Variants in KDM4C observed in about 807,000 individuals in gnomAD.
KDM4C encodes lysine demethylase 4C.
Under a neutral mutation model 129.3 loss-of-function variants are expected in KDM4C, and 81 were observed. The ratio of observed to expected loss-of-function variants is 0.63; its 90% CI spans 0.52 to 0.75. KDM4C has a LOEUF of 0.75. KDM4C is among the 30% of genes least tolerant of loss of function. The pLI, the probability that KDM4C is intolerant of heterozygous loss-of-function variation, is 0.00. For synonymous variants in KDM4C, 573 were observed against 456.1 expected (o/e 1.26, Z -3.26); for missense variants, 1,457 against 1,304.0 (o/e 1.12, Z -1.81).
At chr9:6,941,958 A>G (rs1041266492) in intron 8 of KDM4C, 3 of 152,198 alleles carry the variant, frequency 2.0e-5, no homozygotes, top group Non-Finnish European at 2.9e-5. Context: ...GTGTTTGAGT[A>G]TCACAAGATT....
chr9:7,080,757 T>C (rs1834433492), intron 17 of KDM4C, among the ~76,000 whole-genome samples: 1 of 152,232 alleles, frequency 6.6e-6, no homozygotes, highest in Admixed American at 6.5e-5. Context: ...AATGTCCTTT[T>C]GCATCTATTT....
At chr9:6,904,660 T>C (rs1446611761) in intron 8 of KDM4C, among the ~76,000 whole-genome samples, 1 of 152,236 alleles carries the variant, frequency 6.6e-6, no homozygotes, top group East Asian at 1.9e-4. Context: ...GGAAGAGATT[T>C]ATAATGCCTT....
chr9:6,747,264 A>G (rs1030152819), intron 1 of KDM4C, among the ~76,000 whole-genome samples: 2 of 151,258 alleles, frequency 1.3e-5, no homozygotes, highest in Admixed American at 1.3e-4. Flanking sequence ...AAGAATATAG[A>G]TGGCCGGGCA....
chr9:7,016,009 T>A, intron 15 of KDM4C, 80 bp downstream of exon 15: 1 of 990,366 alleles, frequency 1.0e-6, no homozygotes, highest in Non-Finnish European at 1.6e-6. Context: ...AGGGAAAAGA[T>A]AAGATTGCTC....
chr9:6,939,140 T>C (rs577504175), intron 8 of KDM4C, among the ~76,000 whole-genome samples: 2 of 151,614 alleles, frequency 1.3e-5, no homozygotes, highest in Non-Finnish European at 2.9e-5. Flanking sequence ...GGCTGCACCA[T>C]AGGAGGTGAG....
intron 21 of KDM4C, among the ~76,000 whole-genome samples, chr9:7,172,420 C>T (rs960564147): frequency 3.9e-5 from 6 of 152,014 alleles, no homozygotes; most frequent in Admixed American, 6.5e-5. Context: ...TTTGAGAGGC[C>T]GACTTTTGCT....
rs140234248 is a variant in KDM4C at position 6,938,373 on chromosome 9, G to C, written c.922-42552G>C. Among the ~76,000 whole-genome samples, 68 of 152,246 alleles carry C rather than the reference G, an allele frequency of 4.5e-4. 1 individual carries two copies. In the East Asian group the frequency reaches 0.011, roughly 24 times the overall value. Reference sequence around the variant, plus strand: ...GCAGCTCAGTTCTAAACTTTTTTAGGAGGATGAAAAGAAATAGTCTTTTGT... The same window carrying C: ...GCAGCTCAGTTCTAAACTTTTTTAGCAGGATGAAAAGAAATAGTCTTTTGT... On this transcript the variant is annotated intron_variant, in intron 8 of 21. Coordinates refer to ENST00000381309, the MANE Select transcript of KDM4C (RefSeq NM_015061.6).
At chr9:6,828,937 C>T (rs1329250887) in intron 4 of KDM4C, among the ~76,000 whole-genome samples, 1 of 152,216 alleles carries the variant, frequency 6.6e-6, no homozygotes, top group Non-Finnish European at 1.5e-5. Flanking sequence ...TCACTCTTCT[C>T]TTTACCTCTC....
rs1354643223 is a variant in KDM4C, at chr9:7,013,924, C to G, written c.2105C>G (p.Pro702Arg). The G allele has an allele frequency of 6.2e-7, 1 of 1,613,860 alleles. No homozygotes were observed. Among genetic ancestry groups the G allele is most frequent in the East Asian group, 2.2e-5 (1 of 44,884 alleles). ...AGTGAAGAAAATATAGAATATTCTCCACCCAATGCCTTCCTTGAAGAGGAT... is the reference window on the plus strand; with the variant it reads ...AGTGAAGAAAATATAGAATATTCTCGACCCAATGCCTTCCTTGAAGAGGAT... ...IYSEENIEYS[P>R]PNAFLEEDGT... Residue 702 changes from proline (P) to arginine (R), a missense_variant, in exon 14 of 22, where the codon CCA becomes CGA. Pro to Arg is a moderately radical substitution (Grantham distance 103). Transcript: ENST00000381309.
chr9:6,805,382 A>G (rs1484223675), intron 2 of KDM4C, among the ~76,000 whole-genome samples: 1 of 152,172 alleles, frequency 6.6e-6, no homozygotes, highest in Non-Finnish European at 1.5e-5. Flanking sequence ...TGAGTTTAAT[A>G]CAAGTACAGT....
At chr9:6,753,868 C>CTTTT (rs869158656), upstream of KDM4C, among the ~76,000 whole-genome samples, 114 of 80,362 alleles carry the variant, frequency 1.4e-3, no homozygotes, top group Non-Finnish European at 2.0e-3. Flanking sequence ...TCATTGAATT[C>CTTTT]TTTTTTTTTT....
At chr9:7,108,692 T>C (rs1041880474) in intron 18 of KDM4C, among the ~76,000 whole-genome samples, 3 of 152,172 alleles carry the variant, frequency 2.0e-5, no homozygotes, top group Non-Finnish European at 2.9e-5. Context: ...CTCTGTGGGT[T>C]AACCTATGAC....
rs569044414 is a variant in KDM4C, at chr9:6,989,059, A to T, written c.1678-1357A>T. ...TTTTCCTGCTATAGCTCCAGCTATG[A>T]CAACGGTATGGTGCATAGTAGTGTG... On this transcript the variant is annotated intron_variant, in intron 11 of 21. Transcript: ENST00000381309. Among the ~76,000 whole-genome samples, 84 of 152,364 alleles carry T rather than the reference A, an allele frequency of 5.5e-4. 1 individual carries two copies. In the South Asian group the frequency reaches 8.5e-3, roughly 15 times the overall value.
intron 1 of KDM4C, among the ~76,000 whole-genome samples, chr9:6,777,808 T>C (rs1198416161): frequency 6.6e-6 from 1 of 152,076 alleles, no homozygotes; most frequent in East Asian, 1.9e-4. Context: ...GAAACTGAAA[T>C]GGTTTCCAAC....
chr9:7,131,172 A>G (rs376048691), intron 19 of KDM4C, among the ~76,000 whole-genome samples: 3 of 152,072 alleles, frequency 2.0e-5, no homozygotes, highest in Non-Finnish European at 2.9e-5. Flanking sequence ...CCCCACTGCA[A>G]TATCCTAATC....
At chr9:7,122,265 A>ACACACACACACACACTCTCT (rs375655422) in intron 18 of KDM4C, among the ~76,000 whole-genome samples, 1 of 144,714 alleles carries the variant, frequency 6.9e-6, no homozygotes, top group African/African-American at 2.6e-5. Flanking sequence ...ACACACACAC[A>ACACACACACACACACTCTCT]CTCTCTCTCT....
At chr9:6,898,137 A>T (rs1482085749) in intron 8 of KDM4C, among the ~76,000 whole-genome samples, 4 of 152,204 alleles carry the variant, frequency 2.6e-5, no homozygotes, top group African/African-American at 9.6e-5. Flanking sequence ...TGCATTCATT[A>T]GCTTCACATC....
chr9:7,095,098 A>C (rs12347341), intron 17 of KDM4C, among the ~76,000 whole-genome samples: 6,925 of 152,322 alleles, frequency 0.045, 507 homozygotes, highest in African/African-American at 0.16. Context: ...AACTGTTAAA[A>C]AATGCCTGGG....
intron 3 of KDM4C, among the ~76,000 whole-genome samples, chr9:6,807,919 C>T (rs1830380520): frequency 7.2e-6 from 1 of 138,584 alleles, no homozygotes; most frequent in Admixed American, 6.9e-5. Flanking sequence ...GCCCGGCCAG[C>T]CACCCCCTCC....
Sources: allele counts gnomAD v4.1 joint callset (sites outside exome capture counted in the v4.1 genomes callset), GRCh38; gene constraint gnomAD v4.1.1; transcripts MANE v1.5; gene names NCBI Gene and HGNC (gene_info 2026-07-23, HGNC 2026-07-21).